The following PDZRN4 variants were observed in gnomAD, a reference collection of about 807,000 sequenced individuals.
PDZRN4 encodes PDZ domain-containing RING finger protein 4.
PDZRN4 carries 70 observed loss-of-function variants against 99.0 expected under a neutral mutation model. The ratio of observed to expected loss-of-function variants is 0.71; its 90% CI spans 0.58 to 0.86. PDZRN4 has a LOEUF of 0.86. PDZRN4 is among the 40% of genes least tolerant of loss of function. PDZRN4 has a pLI of 0.00. For missense variants in PDZRN4, 1,474 were observed against 1,331.2 expected, an observed-to-expected ratio of 1.11 and a Z score of -1.67; for synonymous variants, 551 against 501.6, an observed-to-expected ratio of 1.10 and a Z score of -1.32.
At chr12:41,552,875 G>C (rs1939083478) in intron 6 of PDZRN4, 121 bp downstream of exon 6, 2 of 659,962 alleles carry the variant, frequency 3.0e-6, no homozygotes, top group African/African-American at 3.6e-5. Context: ...AGTTGGCCAT[G>C]TTCCAAAACG....
At chr12:41,289,191 C>T (rs77182207) in intron 3 of PDZRN4, among the ~76,000 whole-genome samples, 3,114 of 152,146 alleles carry the variant, frequency 0.02, 79 homozygotes, top group African/African-American at 0.058. Context: ...ACTAAGTATC[C>T]ATATATTAAG....
chr12:41,563,692 C>A, intron 8 of PDZRN4, 43 bp downstream of exon 8: 7 of 1,232,750 alleles, frequency 5.7e-6, no homozygotes, highest in Non-Finnish European at 8.3e-6. Context: ...ACTTTATATT[C>A]ATTGAATTCA....
intron 3 of PDZRN4, among the ~76,000 whole-genome samples, chr12:41,397,274 C>G (rs1952254249): frequency 6.6e-6 from 1 of 152,154 alleles, no homozygotes; most frequent in South Asian, 2.1e-4. Flanking sequence ...ATGCTACATG[C>G]AGTTGTGATT....
intron 3 of PDZRN4, among the ~76,000 whole-genome samples, chr12:41,206,531 A>T (rs760844309): frequency 1.3e-5 from 2 of 150,540 alleles, no homozygotes; most frequent in Admixed American, 6.6e-5. Flanking sequence ...AATTAAGCTT[A>T]ATTAATTAAT....
chr12:41,456,082 C>T (rs1952814567), intron 3 of PDZRN4, among the ~76,000 whole-genome samples: 1 of 152,216 alleles, frequency 6.6e-6, no homozygotes, highest in Non-Finnish European at 1.5e-5. Context: ...CTCTCAACCT[C>T]TGATCTCTCT....
chr12:41,424,507 A>T (rs1289172702), intron 3 of PDZRN4, among the ~76,000 whole-genome samples: 1 of 152,138 alleles, frequency 6.6e-6, no homozygotes, highest in African/African-American at 2.4e-5. Context: ...TTTACACAAA[A>T]TTGGTTGCTA....
chr12:41,418,803 T>A (rs1952466808), intron 3 of PDZRN4, among the ~76,000 whole-genome samples: 1 of 152,148 alleles, frequency 6.6e-6, no homozygotes, highest in Non-Finnish European at 1.5e-5. Flanking sequence ...AGGGTTTGGC[T>A]GGAGAAGAAT....
chr12:41,564,891 T>C (rs1300568523), intron 8 of PDZRN4, among the ~76,000 whole-genome samples: 2 of 152,200 alleles, frequency 1.3e-5, no homozygotes, highest in African/African-American at 4.8e-5. Context: ...GTGAAATTTA[T>C]GATAAATTGA....
intron 5 of PDZRN4, among the ~76,000 whole-genome samples, chr12:41,519,497 A>C (rs964169618): frequency 1.3e-5 from 2 of 152,010 alleles, no homozygotes; most frequent in African/African-American, 4.8e-5. Flanking sequence ...AATTCCTCTG[A>C]AGCAGTAGTC....
rs528329691 is a variant in PDZRN4, at chr12:41,465,143, C to A, written c.844-41313C>A. 4.6e-5 allele frequency among the ~76,000 whole-genome samples: 7 copies of A among 152,162 alleles called. No homozygotes were observed. In the South Asian group the frequency reaches 8.3e-4, roughly 18 times the overall value. On this transcript the variant is annotated intron_variant, in intron 3 of 9. Transcript: ENST00000402685. ...CCTGTCCGCCTTTTGTACTTTTTAT[C>A]CCCTAAGACAGTGAATATGAATAGC...
chr12:41,226,997 A>G (rs1248549767), intron 3 of PDZRN4, among the ~76,000 whole-genome samples: 1 of 152,192 alleles, frequency 6.6e-6, no homozygotes, highest in Non-Finnish European at 1.5e-5. Flanking sequence ...AGGATATCCC[A>G]AATTGCAAAT....
intron 3 of PDZRN4, among the ~76,000 whole-genome samples, chr12:41,214,965 T>G (rs1454050088): frequency 6.6e-6 from 1 of 152,116 alleles, no homozygotes. Context: ...ATTTTGTGGA[T>G]GATTCTCATG....
Position 41,205,136 on chromosome 12 carries a change from T to C in PDZRN4, c.843+10948T>C, listed in dbSNP as rs186758282. ...TTTTTTATTATGTATTTATTATTAT[T>C]AGGTTCATCAGACATACATTTGTCC... is the stretch of plus-strand genomic sequence containing the variant. On this transcript the variant is annotated intron_variant, in intron 3 of 9. Transcript: ENST00000402685. Among the ~76,000 whole-genome samples, 44 of 152,100 alleles carry C rather than the reference T, an allele frequency of 2.9e-4. 1 individual carries two copies. Among genetic ancestry groups the C allele is most frequent in the Non-Finnish European group, 5.0e-4 (34 of 67,944 alleles).
Position 41,573,755 on chromosome 12 carries a change from CA to C in PDZRN4, c.2981del (p.Lys994ArgfsTer2). 6.2e-7 allele frequency: 1 copy of C among 1,613,528 alleles called. No homozygotes were observed. Among genetic ancestry groups the C allele is most frequent in the Non-Finnish European group, 8.5e-7 (1 of 1,179,834 alleles). On this transcript the variant is annotated frameshift_variant, in exon 10 of 10. Coordinates refer to ENST00000402685, the MANE Select transcript of PDZRN4 (RefSeq NM_001164595.2). LOFTEE classifies it high-confidence loss of function. ...KEINIIELSH[K>X]KMMKKRNKKI... is the part of the protein sequence containing the mutation. ...AGATCAATATCATTGAACTGAGTCA[CA>C]AAAAGATGATGAAAAAGAGAAACAA...
intron 3 of PDZRN4, among the ~76,000 whole-genome samples, chr12:41,374,478 C>G (rs758256093): frequency 6.6e-5 from 10 of 152,134 alleles, no homozygotes; most frequent in Non-Finnish European, 1.5e-4. Flanking sequence ...TGTCTCAGAA[C>G]TCTACAGGGG....
chr12:41,207,854 A>C (rs956790376), intron 3 of PDZRN4, among the ~76,000 whole-genome samples: 2 of 151,872 alleles, frequency 1.3e-5, no homozygotes, highest in Non-Finnish European at 2.9e-5. Flanking sequence ...AACATGCTGT[A>C]ACATTTTGTG....
chr12:41,257,187 T>G (rs1367312180), intron 3 of PDZRN4, among the ~76,000 whole-genome samples: 3 of 152,204 alleles, frequency 2.0e-5, no homozygotes, highest in African/African-American at 4.8e-5. Context: ...TCTTTCTTCC[T>G]AAGATAAGCA....
intron 3 of PDZRN4, among the ~76,000 whole-genome samples, chr12:41,469,805 C>T (rs1027393617): frequency 5.9e-5 from 9 of 152,140 alleles, no homozygotes; most frequent in African/African-American, 2.2e-4. Flanking sequence ...TGGCGGGCAC[C>T]TGTAGTCCCA....
intron 3 of PDZRN4, among the ~76,000 whole-genome samples, chr12:41,254,234 A>T (rs190057367): frequency 1.3e-5 from 2 of 152,316 alleles, no homozygotes; most frequent in East Asian, 3.9e-4. Context: ...GATCAGAAGC[A>T]GCCACAGTTT....
Sources: gnomAD v4.1 joint callset for allele counts (sites outside exome capture counted in the v4.1 genomes callset) on GRCh38, gnomAD v4.1.1 for gene constraint, MANE v1.5 for transcripts, NCBI Gene and HGNC (gene_info 2026-07-23, HGNC 2026-07-21) for gene names.